KATNIP: variants seen among roughly 807,000 people sequenced by gnomAD.
KATNIP encodes the protein katanin-interacting protein.
A neutral mutation model predicts 174.0 loss-of-function variants in KATNIP; 126 were observed. The observed-to-expected ratio is 0.72, with a 90% CI of 0.63 to 0.84. The LOEUF (loss-of-function observed/expected upper bound fraction) is 0.84. Among genes scored for constraint, KATNIP ranks in the 40% least tolerant of loss-of-function variants. KATNIP has a pLI of 0.00. For missense variants in KATNIP, 1,958 were observed against 2,109.7 expected (o/e 0.93, Z 1.41); for synonymous variants, 810 against 835.7 (o/e 0.97, Z 0.53).
chr16:27,733,564 G>GAC (rs10558929), intron 14 of KATNIP, among the ~76,000 whole-genome samples: 7,768 of 143,294 alleles, frequency 0.054, 186 homozygotes, highest in South Asian at 0.069. Flanking sequence ...AAACAAGAAG[G>GAC]ACACACACAC....
chr16:27,724,798 G>A lies in KATNIP; in HGVS notation c.1743+3103G>A, dbSNP rs367578373. On this transcript the variant is annotated intron_variant, in intron 14 of 27. Coordinates refer to ENST00000261588, the MANE Select transcript of KATNIP (RefSeq NM_015202.5). ...TGAGAGTTTATAGGAAATATAGCTCGGCCTGGTAGACAAGGCTTGTTAATA... is the reference window on the plus strand; with the variant it reads ...TGAGAGTTTATAGGAAATATAGCTCAGCCTGGTAGACAAGGCTTGTTAATA... Among the ~76,000 whole-genome samples, 12 of 152,300 alleles carry A rather than the reference G, an allele frequency of 7.9e-5. 1 individual carries two copies. The highest frequency in any genetic ancestry group is 6.2e-4 in the South Asian group (3 of 4,828).
At chr16:27,657,446 G>T (rs1371763299) in intron 6 of KATNIP, among the ~76,000 whole-genome samples, 2 of 152,130 alleles carry the variant, frequency 1.3e-5, no homozygotes, top group African/African-American at 4.8e-5. Flanking sequence ...AGAGAAAAAT[G>T]GCCGGGCACA....
intron 2 of KATNIP, among the ~76,000 whole-genome samples, chr16:27,617,304 T>G (rs189619709): frequency 4.3e-4 from 65 of 152,192 alleles, no homozygotes; most frequent in East Asian, 2.1e-3. Flanking sequence ...GATATGCTGG[T>G]TTTTTTTATT....
intron 1 of KATNIP, among the ~76,000 whole-genome samples, chr16:27,553,559 A>G (rs1453569237): frequency 6.6e-6 from 1 of 152,256 alleles, no homozygotes; most frequent in Non-Finnish European, 1.5e-5. Flanking sequence ...TCACGCCTAT[A>G]GTCCCACCGC....
rs113619157 is a variant in KATNIP, at chr16:27,777,726, C to T, written c.4668C>T (p.Thr1556=). 1,902 of 1,614,130 alleles carry T rather than the reference C, an allele frequency of 1.2e-3. 2 individuals carry two copies. Among genetic ancestry groups the T allele is most frequent in the Non-Finnish European group, 1.5e-3 (1,740 of 1,180,012 alleles). The change falls in exon 26 of 28, where the codon ACC becomes ACT. Residue 1556 remains threonine, a synonymous_variant. Transcript: ENST00000261588. This position sits in a 1 kb window ranked among gnomAD's most constrained non-coding sequence, Gnocchi z 4.4. ...PTVPYHTILF[T]EDRDIRHQEK... ...TGCCCTACCACACCATCCTCTTCACCGAGGACAGGGACATCCGCCACCAGG... is the reference window on the plus strand; with the variant it reads ...TGCCCTACCACACCATCCTCTTCACTGAGGACAGGGACATCCGCCACCAGG...
chr16:27,744,280 C>T (rs1479782483), intron 15 of KATNIP, among the ~76,000 whole-genome samples: 1 of 152,100 alleles, frequency 6.6e-6, no homozygotes, highest in African/African-American at 2.4e-5. Context: ...AAACCCAGCA[C>T]TTTGGGAGGC....
intron 2 of KATNIP, among the ~76,000 whole-genome samples, chr16:27,610,323 A>G (rs570169674): frequency 6.6e-6 from 1 of 152,142 alleles, no homozygotes; most frequent in South Asian, 2.1e-4. Flanking sequence ...TTTCATATGG[A>G]GCTGACGGGT....
chr16:27,721,560 C>T lies in KATNIP; in HGVS notation c.1608C>T (p.Gly536=). Residue 536 remains glycine (G), a splice_region_variant and synonymous_variant, in exon 14 of 28, where the codon GGC becomes GGT. Transcript: ENST00000261588. ...LGRLVNRNLA[G]KKDSSPWTCP... ...TCCTTCTCTTGCTGGCCTTCTAGGGCAAGAAAGACTCCTCCCCGTGGACCT... is the reference window on the plus strand; with the variant it reads ...TCCTTCTCTTGCTGGCCTTCTAGGGTAAGAAAGACTCCTCCCCGTGGACCT... 13 of 1,614,096 alleles carry T rather than the reference C, an allele frequency of 8.1e-6. No homozygotes were observed. Among genetic ancestry groups the T allele is most frequent in the Non-Finnish European group, 1.0e-5 (12 of 1,180,008 alleles).
chr16:27,672,756 C>T (rs1238702809), intron 6 of KATNIP, among the ~76,000 whole-genome samples: 3 of 152,138 alleles, frequency 2.0e-5, no homozygotes, highest in African/African-American at 7.2e-5. Flanking sequence ...CACAGTTCCT[C>T]AAATTTGGGG....
At chr16:27,761,618 C>T in intron 19 of KATNIP, 28 bp downstream of exon 19, 1 of 1,585,696 alleles carries the variant, frequency 6.3e-7, no homozygotes, top group Non-Finnish European at 8.7e-7. Flanking sequence ...GCTTTACTTT[C>T]ATGCCCACTG....
At chr16:27,764,026 G>C (rs939535282) in intron 19 of KATNIP, among the ~76,000 whole-genome samples, 5 of 152,188 alleles carry the variant, frequency 3.3e-5, no homozygotes, top group African/African-American at 1.2e-4. Context: ...TGGTTGCCAG[G>C]CTCTTTGTGA....
intron 2 of KATNIP, among the ~76,000 whole-genome samples, chr16:27,612,072 C>G (rs141887133): frequency 1.3e-5 from 2 of 151,972 alleles, no homozygotes. Context: ...GAGAATGGGG[C>G]GAGGTGGGAC....
chr16:27,628,380 A>G (rs547685073), intron 3 of KATNIP, among the ~76,000 whole-genome samples: 17 of 152,354 alleles, frequency 1.1e-4, no homozygotes, highest in African/African-American at 2.9e-4. Context: ...AGCACGGGGC[A>G]TGAACTGGGT....
At chr16:27,593,619 C>T (rs2075250877) in intron 2 of KATNIP, among the ~76,000 whole-genome samples, 2 of 152,106 alleles carry the variant, frequency 1.3e-5, no homozygotes, top group African/African-American at 4.8e-5. Context: ...GCAGCCTCGA[C>T]CTCCCAGGCC....
At chr16:27,765,089 G>T (rs867540678) in intron 19 of KATNIP, among the ~76,000 whole-genome samples, 14 of 152,184 alleles carry the variant, frequency 9.2e-5, no homozygotes, top group South Asian at 2.1e-4. Context: ...TACAGCAGCT[G>T]TGAGGTACCA....
At chr16:27,701,021 C>T (rs964000) in intron 10 of KATNIP, among the ~76,000 whole-genome samples, 31,221 of 151,848 alleles carry the variant, frequency 0.21, 3,706 homozygotes, top group African/African-American at 0.34. Flanking sequence ...GCGTCGATGA[C>T]AAATGAAAAA....
At chr16:27,574,144 A>G in intron 2 of KATNIP, 188 bp downstream of exon 2, 1 of 588,458 alleles carries the variant, frequency 1.7e-6, no homozygotes, top group East Asian at 2.8e-5. Context: ...ATCACTTGTA[A>G]TAATCACTTG....
intron 5 of KATNIP, among the ~76,000 whole-genome samples, chr16:27,631,838 A>C (rs552805828): frequency 6.6e-6 from 1 of 152,330 alleles, no homozygotes; most frequent in East Asian, 1.9e-4. Flanking sequence ...GCCCCATGGA[A>C]CTGAGATGCC....
chr16:27,750,189 A>G lies in KATNIP; in HGVS notation c.3229A>G (p.Asn1077Asp). ...CCACGTTGCCCTGATCAGAATTTGG[A>G]ACTACAATAAATCTCGGATACATTC... is the stretch of plus-strand genomic sequence containing the variant. The part of the protein sequence containing the change: ...PCHVALIRIW[N>D]YNKSRIHSFR... The change falls in exon 16 of 28, where the codon AAC becomes GAC. Residue 1077 changes from asparagine to aspartate, a missense_variant. This residue lies in a region of KATNIP where 1,557 missense variants were observed against 1,617.8 expected (regional missense o/e 0.96). Transcript: ENST00000261588. 6.2e-7 allele frequency: 1 copy of G among 1,614,000 alleles called. No individual in the cohort carries two copies. Among genetic ancestry groups the G allele is most frequent in the East Asian group, 2.2e-5 (1 of 44,856 alleles).
Sources: gnomAD v4.1 joint callset for allele counts (sites outside exome capture counted in the v4.1 genomes callset) on GRCh38, gnomAD v4.1.1 for gene constraint, gnomAD v4.1.1 regional missense constraint, Gnocchi (gnomAD v3.1) non-coding constraint, MANE v1.5 for transcripts, NCBI Gene and HGNC (gene_info 2026-07-23, HGNC 2026-07-21) for gene names.